TGFB2: variants seen among roughly 807,000 people sequenced by gnomAD.
The protein encoded by TGFB2 is transforming growth factor beta 2, also known as transforming growth factor beta-2 proprotein.
In TGFB2, 13 loss-of-function variants were observed where a neutral mutation model predicts 42.7. The observed-to-expected ratio is 0.30, with a 90% CI of 0.20 to 0.48. The LOEUF is 0.48. Ranked by LOEUF, TGFB2 falls within the 20% of genes least tolerant of loss-of-function variation. The pLI is 0.99. For synonymous variants in TGFB2, 193 were observed against 193.6 expected (o/e 1.00, Z 0.03); for missense variants, 390 against 517.5 (o/e 0.75, Z 2.39).
intron 1 of TGFB2, among the ~76,000 whole-genome samples, chr1:218,391,099 C>G (rs1203118215): frequency 2.0e-5 from 3 of 152,182 alleles, no homozygotes; most frequent in Non-Finnish European, 4.4e-5. Flanking sequence ...ACTTTCCATT[C>G]AGCTTTTCAA....
chr1:218,439,973 G>T (rs1197253949), intron 6 of TGFB2, among the ~76,000 whole-genome samples: 1 of 152,158 alleles, frequency 6.6e-6, no homozygotes, highest in Non-Finnish European at 1.5e-5. Context: ...TCGAGGAAAA[G>T]GTCACTTGCT....
At chr1:218,374,480 G>C (rs938599483) in intron 1 of TGFB2, among the ~76,000 whole-genome samples, 1 of 152,170 alleles carries the variant, frequency 6.6e-6, no homozygotes, top group South Asian at 2.1e-4. Context: ...GTTTCTCCAC[G>C]GGGCCCCCGT....
chr1:218,403,373 G>A (rs781320137), intron 1 of TGFB2, among the ~76,000 whole-genome samples: 3 of 152,158 alleles, frequency 2.0e-5, no homozygotes, highest in Non-Finnish European at 4.4e-5. Flanking sequence ...GGAAGGAGAT[G>A]GGTTGGGAGA....
rs1421938995 is a variant in TGFB2, at chr1:218,441,833, T to G, written c.*471T>G. On this transcript the variant is annotated 3_prime_UTR_variant, in exon 7 of 7. Transcript: ENST00000366930. ...TACTCTTAGAGTTAACAGTGAGTTA[T>G]TTATTGTGTGTTACTATATAATGAA... 6.5e-6 allele frequency: 1 copy of G among 153,598 alleles called. No homozygotes were observed. Among genetic ancestry groups the G allele is most frequent in the Non-Finnish European group, 1.4e-5 (1 of 69,106 alleles). 9.5% of individuals were successfully genotyped at this position (153,598 alleles called of 1,614,324 possible).
At chr1:218,383,722 G>T (rs1355787213) in intron 1 of TGFB2, among the ~76,000 whole-genome samples, 1 of 152,222 alleles carries the variant, frequency 6.6e-6, no homozygotes, top group Non-Finnish European at 1.5e-5. Flanking sequence ...GGACTTGCGA[G>T]ATTTGATTAT....
intron 2 of TGFB2, among the ~76,000 whole-genome samples, chr1:218,414,989 AAC>A (rs1659226617): frequency 1.3e-5 from 2 of 152,292 alleles, no homozygotes; most frequent in South Asian, 4.1e-4. Context: ...TAGCAGAAAG[AAC>A]ACAGATTTTG....
chr1:218,391,396 G>A (rs1450225436), intron 1 of TGFB2, among the ~76,000 whole-genome samples: 1 of 152,184 alleles, frequency 6.6e-6, no homozygotes, highest in Non-Finnish European at 1.5e-5. Flanking sequence ...GAAGTGCCTA[G>A]TACAGAAGAA....
intron 1 of TGFB2, among the ~76,000 whole-genome samples, chr1:218,402,315 A>G (rs1346644171): frequency 6.6e-6 from 1 of 152,250 alleles, no homozygotes; most frequent in Non-Finnish European, 1.5e-5. Flanking sequence ...TATAAGAGCC[A>G]GAGGGGAGGA....
At chr1:218,371,207 G>A (rs1657559573) in intron 1 of TGFB2, among the ~76,000 whole-genome samples, 1 of 152,128 alleles carries the variant, frequency 6.6e-6, no homozygotes, top group Non-Finnish European at 1.5e-5. Flanking sequence ...AGGCTGAGGT[G>A]GGAGGGTCAC....
chr1:218,403,945 A>G (rs1378935163), intron 1 of TGFB2, among the ~76,000 whole-genome samples: 1 of 151,124 alleles, frequency 6.6e-6, no homozygotes, highest in Non-Finnish European at 1.5e-5. Flanking sequence ...TGCACAGTGT[A>G]GATGCTTGAT....
intron 2 of TGFB2, among the ~76,000 whole-genome samples, chr1:218,421,338 T>C (rs1353087790): frequency 3.3e-5 from 5 of 151,736 alleles, no homozygotes; most frequent in Non-Finnish European, 7.4e-5. Flanking sequence ...ATCTCTGTGG[T>C]GGGTTTCTGG....
chr1:218,422,337 C>T (rs571058450), intron 2 of TGFB2, among the ~76,000 whole-genome samples: 1 of 151,998 alleles, frequency 6.6e-6, no homozygotes, highest in African/African-American at 2.4e-5. Context: ...CCTGCCCCAG[C>T]CTTTTGAGTA....
intron 1 of TGFB2, among the ~76,000 whole-genome samples, chr1:218,403,653 G>A (rs1658807926): frequency 6.6e-6 from 1 of 152,150 alleles, no homozygotes; most frequent in Non-Finnish European, 1.5e-5. Flanking sequence ...GTCCAGATAC[G>A]TGGGAAAGAA....
intron 1 of TGFB2, among the ~76,000 whole-genome samples, chr1:218,371,948 C>A (rs1001552195): frequency 6.6e-6 from 1 of 152,142 alleles, no homozygotes; most frequent in Admixed American, 6.6e-5. Context: ...CTGTTGTTTC[C>A]GGTGAGCAAA....
At chr1:218,396,602 G>C (rs1022448269) in intron 1 of TGFB2, among the ~76,000 whole-genome samples, 1 of 151,620 alleles carries the variant, frequency 6.6e-6, no homozygotes, top group African/African-American at 2.4e-5. Flanking sequence ...TCAAACTGTG[G>C]CTCCTTGGCT....
intron 2 of TGFB2, among the ~76,000 whole-genome samples, chr1:218,428,157 C>T (rs1436712600): frequency 6.6e-6 from 1 of 152,146 alleles, no homozygotes; most frequent in Admixed American, 6.5e-5. Context: ...TGTTCATATC[C>T]TTTGCCTACT....
chr1:218,434,414 A>G lies in TGFB2; in HGVS notation c.720A>G (p.Pro240=), dbSNP rs1571901523. The G allele has an allele frequency of 6.2e-7, 1 of 1,613,882 alleles. No individual in the cohort carries two copies. ...TACCATCTAATAATTACATCATCCC[A>G]AATAAAAGTGAAGAACTAGAAGCAA... The part of the protein sequence containing the change: ...TFVPSNNYII[P]NKSEELEARF... The change falls in exon 4 of 7, where the codon CCA becomes CCG. Residue 240 remains proline (P), a synonymous_variant. Coordinates refer to ENST00000366930, the MANE Select transcript of TGFB2 (RefSeq NM_003238.6).
intron 1 of TGFB2, among the ~76,000 whole-genome samples, chr1:218,403,125 G>A: frequency 6.6e-6 from 1 of 152,232 alleles, no homozygotes; most frequent in East Asian, 1.9e-4. Flanking sequence ...CAACTAATTC[G>A]CAGTGGTGAT....
intron 6 of TGFB2, among the ~76,000 whole-genome samples, chr1:218,439,360 C>T (rs1660081449): frequency 6.6e-6 from 1 of 152,066 alleles, no homozygotes; most frequent in Admixed American, 6.6e-5. Flanking sequence ...GCCTTCACTG[C>T]AGGGTAGGAA....
Sources: gnomAD v4.1 joint callset for allele counts (sites outside exome capture counted in the v4.1 genomes callset) on GRCh38, gnomAD v4.1.1 for gene constraint, MANE v1.5 for transcripts, NCBI Gene and HGNC (gene_info 2026-07-23, HGNC 2026-07-21) for gene names.